Variants in PABPC4L observed in about 807,000 individuals in gnomAD.
PABPC4L encodes the protein polyadenylate-binding protein 4-like.
For missense variants in PABPC4L, 452 were observed against 451.4 expected (o/e 1.00, Z -0.01); for synonymous variants, 169 against 164.1 (o/e 1.03, Z -0.23).
At chr4:134,102,888 A>C in the PABPC4L span, among the ~76,000 whole-genome samples, 1 of 151,500 alleles carries the variant, frequency 6.6e-6, no homozygotes, top group Non-Finnish European at 1.5e-5. Flanking sequence ...ACCTATATGG[A>C]TGTATAATCC....
At chr4:134,040,544 A>G in the PABPC4L span, among the ~76,000 whole-genome samples, 1 of 152,202 alleles carries the variant, frequency 6.6e-6, no homozygotes. Flanking sequence ...CTGAAACTGG[A>G]TCCCTTCCTT....
chr4:133,976,355 T>C, the PABPC4L span, among the ~76,000 whole-genome samples: 611 of 152,320 alleles, frequency 4.0e-3, 10 homozygotes, highest in Admixed American at 0.029. Flanking sequence ...CAGTCTATCA[T>C]TGATGGGCAT....
chr4:134,186,429 C>G, the PABPC4L span, among the ~76,000 whole-genome samples: 1 of 152,058 alleles, frequency 6.6e-6, no homozygotes, highest in Non-Finnish European at 1.5e-5. Context: ...CTGACAAAAA[C>G]AAGAAATGGG....
At chr4:134,039,601 T>A in the PABPC4L span, among the ~76,000 whole-genome samples, 5 of 152,104 alleles carry the variant, frequency 3.3e-5, no homozygotes, top group Admixed American at 3.3e-4. Context: ...CTTTTGATCT[T>A]TGTTGGTTTA....
the PABPC4L span, among the ~76,000 whole-genome samples, chr4:134,158,399 T>A: frequency 6.6e-6 from 1 of 152,040 alleles, no homozygotes; most frequent in African/African-American, 2.4e-5. Context: ...ATTCTACAGA[T>A]AATTTTCTAG....
chr4:134,078,529 A>G, the PABPC4L span, among the ~76,000 whole-genome samples: 1 of 152,166 alleles, frequency 6.6e-6, no homozygotes, highest in Non-Finnish European at 1.5e-5. Flanking sequence ...TGTTGGTCAG[A>G]GTCCTGGAAA....
At chr4:133,980,776 C>T in the PABPC4L span, among the ~76,000 whole-genome samples, 1 of 152,110 alleles carries the variant, frequency 6.6e-6, no homozygotes, top group Non-Finnish European at 1.5e-5. Flanking sequence ...AAAAAATGAT[C>T]ATCTTAGAAA....
the PABPC4L span, among the ~76,000 whole-genome samples, chr4:134,162,938 A>T: frequency 6.6e-6 from 1 of 152,176 alleles, no homozygotes; most frequent in East Asian, 1.9e-4. Context: ...TGGCAACCCA[A>T]TATCTCATTT....
At chr4:134,111,513 A>T in the PABPC4L span, among the ~76,000 whole-genome samples, 1 of 152,012 alleles carries the variant, frequency 6.6e-6, no homozygotes, top group Non-Finnish European at 1.5e-5. Context: ...ACATACACAC[A>T]TATAGACTTC....
chr4:134,159,667 C>T, the PABPC4L span, among the ~76,000 whole-genome samples: 2 of 152,126 alleles, frequency 1.3e-5, no homozygotes, highest in African/African-American at 2.4e-5. Flanking sequence ...GGCTGACTAA[C>T]GTGGCCAGGG....
the PABPC4L span, among the ~76,000 whole-genome samples, chr4:134,110,603 G>A: frequency 1.5e-5 from 2 of 131,826 alleles, no homozygotes; most frequent in Non-Finnish European, 3.4e-5. Flanking sequence ...GTGTGTGTGT[G>A]TGTATTCATT....
the PABPC4L span, among the ~76,000 whole-genome samples, chr4:134,046,345 T>C: frequency 6.6e-6 from 1 of 152,022 alleles, no homozygotes; most frequent in Non-Finnish European, 1.5e-5. Flanking sequence ...CACCCAAACA[T>C]CTCAGTGTAG....
chr4:134,155,371 T>C, the PABPC4L span, among the ~76,000 whole-genome samples: 2 of 151,204 alleles, frequency 1.3e-5, no homozygotes, highest in Non-Finnish European at 3.0e-5. Context: ...ACACACATTA[T>C]CTATTTCTAA....
chr4:134,072,785 C>A, the PABPC4L span, among the ~76,000 whole-genome samples: 6 of 152,172 alleles, frequency 3.9e-5, no homozygotes, highest in South Asian at 4.2e-4. Flanking sequence ...AAAGGGGAAG[C>A]AAACACATCC....
chr4:134,095,021 T>G, the PABPC4L span, among the ~76,000 whole-genome samples: 1 of 151,964 alleles, frequency 6.6e-6, no homozygotes, highest in African/African-American at 2.4e-5. Context: ...TTAAGAAAAG[T>G]CCATTAAAAT....
At chr4:134,117,107 C>G in the PABPC4L span, among the ~76,000 whole-genome samples, 9 of 151,404 alleles carry the variant, frequency 5.9e-5, no homozygotes, top group Admixed American at 5.3e-4. Flanking sequence ...AAGAATGTAG[C>G]TATTTGCATT....
the PABPC4L span, among the ~76,000 whole-genome samples, chr4:133,989,730 T>G: frequency 2.6e-5 from 4 of 152,104 alleles, no homozygotes; most frequent in Non-Finnish European, 4.4e-5. Context: ...GAGCTACTTT[T>G]AAAGCAGTAC....
the PABPC4L span, among the ~76,000 whole-genome samples, chr4:134,011,631 CT>C: frequency 2.6e-5 from 4 of 151,990 alleles, no homozygotes; most frequent in East Asian, 7.7e-4. Context: ...TTTATTCTCT[CT>C]TTTTTTGCCC....
the PABPC4L span, among the ~76,000 whole-genome samples, chr4:134,058,902 G>C: frequency 6.6e-6 from 1 of 151,976 alleles, no homozygotes; most frequent in Non-Finnish European, 1.5e-5. Flanking sequence ...AATTAGTTTA[G>C]AGTGTTAACT....
Sources: allele counts gnomAD v4.1 joint callset (sites outside exome capture counted in the v4.1 genomes callset), GRCh38; gene constraint gnomAD v4.1.1; transcripts MANE v1.5; gene names NCBI Gene and HGNC (gene_info 2026-07-23, HGNC 2026-07-21).